The following RTN1 variants were observed in gnomAD, a reference collection of about 807,000 sequenced individuals.
RTN1 encodes reticulon-1.
A neutral mutation model predicts 65.5 loss-of-function variants in RTN1; 25 were observed. The observed-to-expected ratio is 0.38, with a 90% CI of 0.28 to 0.53. The LOEUF (loss-of-function observed/expected upper bound fraction) is 0.53, where lower values mean the gene tolerates loss of function less well. Ranked by LOEUF, RTN1 falls within the 20% of genes least tolerant of loss-of-function variation. The probability of loss-of-function intolerance (pLI) is 0.79; values close to 1 mark genes in which losing one functional copy is unlikely to be tolerated. For synonymous variants in RTN1, 471 were observed against 447.6 expected, an observed-to-expected ratio of 1.05 and a Z score of -0.66; for missense variants, 983 against 1,025.4, an observed-to-expected ratio of 0.96 and a Z score of 0.57.
chr14:59,747,926 G>T (rs910733845), intron 1 of RTN1, among the ~76,000 whole-genome samples: 2 of 152,142 alleles, frequency 1.3e-5, no homozygotes, highest in African/African-American at 4.8e-5. Flanking sequence ...CAAAACAGTG[G>T]CAGTAACAGG....
At chr14:59,611,574 C>G (rs1881950766) in intron 3 of RTN1, among the ~76,000 whole-genome samples, 1 of 151,840 alleles carries the variant, frequency 6.6e-6, no homozygotes, top group South Asian at 2.1e-4. Context: ...GTCTGTAGCC[C>G]CATCGTGGAG....
intron 1 of RTN1, among the ~76,000 whole-genome samples, chr14:59,854,639 C>CAAAAAA (rs552017689): frequency 2.5e-4 from 18 of 71,776 alleles, no homozygotes; most frequent in African/African-American, 3.4e-4. Context: ...GACTGCGTCT[C>CAAAAAA]AAAAAAAAAA....
intron 1 of RTN1, among the ~76,000 whole-genome samples, chr14:59,793,537 T>C (rs1391205066): frequency 6.6e-6 from 1 of 152,106 alleles, no homozygotes; most frequent in Non-Finnish European, 1.5e-5. Flanking sequence ...AATTACTGTG[T>C]GTAAGTATGT....
At chr14:59,834,871 T>A (rs568746821) in intron 1 of RTN1, among the ~76,000 whole-genome samples, 2 of 152,288 alleles carry the variant, frequency 1.3e-5, no homozygotes, top group African/African-American at 4.8e-5. Context: ...TTGGTAAGGA[T>A]GTGAAGAAAT....
At chr14:59,815,848 C>T (rs1886811504) in intron 1 of RTN1, among the ~76,000 whole-genome samples, 1 of 152,160 alleles carries the variant, frequency 6.6e-6, no homozygotes, top group Admixed American at 6.5e-5. Context: ...CCTTGAAGGT[C>T]TCACTGGGCC....
intron 2 of RTN1, among the ~76,000 whole-genome samples, chr14:59,742,916 G>A (rs922551633): frequency 6.6e-6 from 1 of 152,142 alleles, no homozygotes; most frequent in African/African-American, 2.4e-5. Flanking sequence ...AGGATAAAAA[G>A]GGCAGGGAGA....
chr14:59,806,184 T>G (rs555029921), intron 1 of RTN1, among the ~76,000 whole-genome samples: 3 of 151,970 alleles, frequency 2.0e-5, no homozygotes, highest in Admixed American at 1.3e-4. Flanking sequence ...TATAGTGAGC[T>G]GAGATTGTGC....
At chr14:59,691,468 G>A (rs1034608129) in intron 3 of RTN1, among the ~76,000 whole-genome samples, 1 of 151,980 alleles carries the variant, frequency 6.6e-6, no homozygotes, top group Non-Finnish European at 1.5e-5. Context: ...CAAAGCCCCA[G>A]ACCAGACTGA....
At chr14:59,862,003 C>A (rs963366848) in intron 1 of RTN1, among the ~76,000 whole-genome samples, 1 of 152,058 alleles carries the variant, frequency 6.6e-6, no homozygotes, top group African/African-American at 2.4e-5. Context: ...TAATGTGCAC[C>A]TGAGACTTTC....
chr14:59,741,190 C>T (rs1351929476), intron 2 of RTN1, among the ~76,000 whole-genome samples: 1 of 152,158 alleles, frequency 6.6e-6, no homozygotes, highest in Non-Finnish European at 1.5e-5. Flanking sequence ...AGCCGGCCTT[C>T]CAGCTGCTCC....
At chr14:59,647,060 C>G (rs892371089) in intron 3 of RTN1, 1 of 152,890 alleles carries the variant, frequency 6.5e-6, no homozygotes, top group African/African-American at 2.4e-5. Context: ...TCAAGAGACC[C>G]ATCTCACATG....
intron 3 of RTN1, among the ~76,000 whole-genome samples, chr14:59,616,660 G>T (rs1029616387): frequency 6.6e-6 from 1 of 152,160 alleles, no homozygotes; most frequent in Middle Eastern, 3.2e-3. Flanking sequence ...AAACAAAACT[G>T]CTACATAATT....
chr14:59,723,266 A>C (rs12896163), intron 3 of RTN1, among the ~76,000 whole-genome samples: 15 of 152,148 alleles, frequency 9.9e-5, no homozygotes, highest in Admixed American at 9.2e-4. Flanking sequence ...GCAAGAAGAC[A>C]GTCAGTTTCA....
At chr14:59,814,115 T>G (rs1307879986) in intron 1 of RTN1, among the ~76,000 whole-genome samples, 2 of 152,212 alleles carry the variant, frequency 1.3e-5, no homozygotes, top group African/African-American at 2.4e-5. Flanking sequence ...TTTGCTCTCA[T>G]GCACACAAAA....
intron 1 of RTN1, among the ~76,000 whole-genome samples, chr14:59,777,646 T>G (rs906958389): frequency 2.0e-5 from 3 of 151,886 alleles, no homozygotes; most frequent in African/African-American, 7.3e-5. Context: ...TTTTCAGGAG[T>G]TCCTTAGGAC....
Position 59,746,485 on chromosome 14 carries a change from T to C in RTN1, c.242-4A>G, listed in dbSNP as rs762377119. On this transcript the variant is annotated splice_polypyrimidine_tract_variant and splice_region_variant and intron_variant, in intron 1 of 8. Transcript: ENST00000267484. ...GCACTGGAAACACCTGCCACACCTA[T>C]GAATCAAAGCAGCAGCAGACAGTGA... 2 of 1,571,362 alleles carry C rather than the reference T, an allele frequency of 1.3e-6. No individual in the cohort carries two copies. The highest frequency in any genetic ancestry group is 1.2e-5 in the South Asian group (1 of 82,622).
chr14:59,665,270 C>T (rs1419298954), intron 3 of RTN1, among the ~76,000 whole-genome samples: 1 of 152,114 alleles, frequency 6.6e-6, no homozygotes, highest in East Asian at 1.9e-4. Flanking sequence ...AGCCAAAAGA[C>T]AGTGGGGGCC....
chr14:59,726,044 T>C (rs1468583573), intron 3 of RTN1, among the ~76,000 whole-genome samples: 1 of 152,204 alleles, frequency 6.6e-6, no homozygotes, highest in Non-Finnish European at 1.5e-5. Flanking sequence ...GTAGAAGTTC[T>C]CTAACTTCAC....
Position 59,750,153 on chromosome 14 carries a change from A to G in RTN1, c.242-3672T>C, listed in dbSNP as rs1160264767. 6.6e-5 allele frequency among the ~76,000 whole-genome samples: 4 copies of G among 60,602 alleles called. No homozygotes were observed. The East Asian group carries it at 1.8e-3, about 27-fold the overall frequency. 39.8% of individuals were successfully genotyped at this position (60,602 alleles called of 152,430 possible). A position where few individuals can be genotyped will look rare whatever the true frequency, so the allele number is the denominator to read the frequency against. ...CTATAATATATAATATATATATTAT[A>G]GATAATATATATTATATCTATAATA... On this transcript the variant is annotated intron_variant, in intron 1 of 8. Coordinates refer to ENST00000267484, the MANE Select transcript of RTN1 (RefSeq NM_021136.3).
Sources: allele counts gnomAD v4.1 joint callset (sites outside exome capture counted in the v4.1 genomes callset), GRCh38; gene constraint gnomAD v4.1.1; transcripts MANE v1.5; gene names NCBI Gene and HGNC (gene_info 2026-07-23, HGNC 2026-07-21).